GRIP1: variants seen among roughly 807,000 people sequenced by gnomAD.
The protein encoded by GRIP1 is glutamate receptor interacting protein 1, also known as glutamate receptor-interacting protein 1.
In GRIP1, 45 loss-of-function variants were observed where a neutral mutation model predicts 129.9. The ratio of observed to expected loss-of-function variants is 0.35; its 90% confidence interval spans 0.27 to 0.44. The LOEUF is 0.44. GRIP1 is among the 20% of genes least tolerant of loss of function. The pLI is 1.00. For missense variants in GRIP1, 1,196 were observed against 1,396.8 expected (o/e 0.86, Z 2.29); for synonymous variants, 530 against 520.8 (o/e 1.02, Z -0.24).
At chr12:66,506,656 T>C (rs12812084) in intron 7 of GRIP1, among the ~76,000 whole-genome samples, 69,650 of 151,960 alleles carry the variant, frequency 0.46, 16,225 homozygotes, top group African/African-American at 0.53. Flanking sequence ...AGTGCTTTTC[T>C]CTTTGCGTGT....
intron 1 of GRIP1, among the ~76,000 whole-genome samples, chr12:66,692,403 T>C (rs1487334425): frequency 6.6e-6 from 1 of 152,186 alleles, no homozygotes; most frequent in African/African-American, 2.4e-5. Flanking sequence ...TGCGTCTACA[T>C]GGCATCTTAC....
chr12:66,758,033 CAG>C (rs2037351805), intron 1 of GRIP1, among the ~76,000 whole-genome samples: 1 of 151,742 alleles, frequency 6.6e-6, no homozygotes, highest in Non-Finnish European at 1.5e-5. Flanking sequence ...AAAAATAAAA[CAG>C]AAAAAATTAC....
rs63275262 is a variant in GRIP1 at position 66,617,286 on chromosome 12, G to GA, written c.56-20360dup. Reference sequence around the variant, plus strand: ...CCTGTTTCCTCCACACAGCCAACAAGAAAAAAAAAAAAAAAAAAAAAGATG... The same window carrying GA: ...CCTGTTTCCTCCACACAGCCAACAAGAAAAAAAAAAAAAAAAAAAAAAGATG... On this transcript the variant is annotated intron_variant, in intron 1 of 24. Transcript: ENST00000359742. Among the ~76,000 whole-genome samples the GA allele has an allele frequency of 3.9e-3, 406 of 104,000 alleles. 6 individuals are homozygous for GA. In the East Asian group the frequency reaches 0.047, roughly 12 times the overall value. The allele number at this position is 104,000 out of a possible 152,430, so 68.2% of individuals were successfully genotyped here. A position where few individuals can be genotyped will look rare whatever the true frequency, so the allele number is the denominator to read the frequency against.
intron 1 of GRIP1, among the ~76,000 whole-genome samples, chr12:66,977,788 G>C (rs900214476): frequency 1.5e-5 from 2 of 131,300 alleles, no homozygotes; most frequent in East Asian, 4.7e-4. Context: ...TATTACTATA[G>C]TCAGTTCTAG....
At chr12:66,529,797 T>C (rs1419537198) in intron 5 of GRIP1, 34 bp downstream of exon 5, 1 of 1,133,798 alleles carries the variant, frequency 8.8e-7, no homozygotes, top group Non-Finnish European at 1.3e-6. Context: ...TGGAAATATT[T>C]TTTTTAAAGT....
intron 1 of GRIP1, among the ~76,000 whole-genome samples, chr12:67,013,240 T>C (rs1565638747): frequency 6.6e-6 from 1 of 152,160 alleles, no homozygotes; most frequent in Non-Finnish European, 1.5e-5. Context: ...CAATTTTTAT[T>C]TCAGAAGGGG....
intron 1 of GRIP1, among the ~76,000 whole-genome samples, chr12:66,881,811 G>T (rs947224723): frequency 2.0e-5 from 3 of 152,102 alleles, no homozygotes; most frequent in African/African-American, 7.2e-5. Flanking sequence ...AAAAGAAAAA[G>T]AACTCAGCTG....
At chr12:66,899,468 A>AT (rs1470780757) in intron 1 of GRIP1, among the ~76,000 whole-genome samples, 1 of 69,472 alleles carries the variant, frequency 1.4e-5, no homozygotes, top group Non-Finnish European at 2.5e-5. Context: ...AACTCAAGTG[A>AT]TCCCCCACCT....
chr12:66,960,131 G>C (rs1309854352), intron 1 of GRIP1, among the ~76,000 whole-genome samples: 3 of 152,156 alleles, frequency 2.0e-5, no homozygotes, highest in South Asian at 2.1e-4. Flanking sequence ...TCCTTAACCT[G>C]AAAACAGATG....
At chr12:66,782,382 A>T (rs1324344202) in intron 1 of GRIP1, among the ~76,000 whole-genome samples, 2 of 152,156 alleles carry the variant, frequency 1.3e-5, no homozygotes, top group Non-Finnish European at 2.9e-5. Context: ...TCTTCTTAAC[A>T]CCTTTCTCTG....
chr12:66,630,527 C>T (rs1050450487), intron 1 of GRIP1, among the ~76,000 whole-genome samples: 18 of 152,170 alleles, frequency 1.2e-4, no homozygotes, highest in Non-Finnish European at 1.8e-4. Flanking sequence ...TCGCATTTGC[C>T]AGGTGAGAAA....
At chr12:66,428,683 C>A (rs1401487597) in intron 14 of GRIP1, among the ~76,000 whole-genome samples, 1 of 152,154 alleles carries the variant, frequency 6.6e-6, no homozygotes, top group Non-Finnish European at 1.5e-5. Flanking sequence ...CTGAGTTGTT[C>A]TTTCCTCTTT....
chr12:66,909,109 T>C (rs1341268666), intron 1 of GRIP1, among the ~76,000 whole-genome samples: 1 of 152,238 alleles, frequency 6.6e-6, no homozygotes, highest in Non-Finnish European at 1.5e-5. Context: ...TAATTCACTG[T>C]TTTTAATCTT....
chr12:66,804,003 G>A, intron 1 of GRIP1: 1 of 414,102 alleles, frequency 2.4e-6, no homozygotes, highest in Non-Finnish European at 4.9e-6. Context: ...AAGGTTTATT[G>A]TTAGCCCCAG....
chr12:66,486,282 T>C (rs1170121341), intron 7 of GRIP1, among the ~76,000 whole-genome samples: 1 of 151,948 alleles, frequency 6.6e-6, no homozygotes, highest in East Asian at 1.9e-4. Context: ...TATATATATA[T>C]ATTTAAAAAT....
At chr12:66,704,261 G>A (rs1256812657) in intron 1 of GRIP1, among the ~76,000 whole-genome samples, 1 of 151,854 alleles carries the variant, frequency 6.6e-6, no homozygotes. Flanking sequence ...TTTTGATGAG[G>A]AAACATTTTC....
chr12:66,991,850 T>C (rs896541463), intron 1 of GRIP1, among the ~76,000 whole-genome samples: 3 of 152,146 alleles, frequency 2.0e-5, no homozygotes, highest in Non-Finnish European at 4.4e-5. Flanking sequence ...TCCTCTAGAG[T>C]GTATTCAGCC....
rs2054091232 is a variant in GRIP1, at chr12:66,348,781, C to G, written c.*238G>C. 7.5e-6 allele frequency: 4 copies of G among 536,774 alleles called. No homozygotes were observed. Among genetic ancestry groups the G allele is most frequent in the South Asian group, 2.4e-5 (1 of 41,394 alleles). The allele number at this position is 536,774 out of a possible 1,614,324, so 33.3% of individuals were successfully genotyped here. ...GTTGTGGGGGACGGCCTATTTTTCT[C>G]TACCGTTGGGACTGGCAGGGCATTG... On this transcript the variant is annotated 3_prime_UTR_variant, in exon 25 of 25. Coordinates refer to ENST00000359742, the MANE Select transcript of GRIP1 (RefSeq NM_001366722.1).
intron 1 of GRIP1, among the ~76,000 whole-genome samples, chr12:66,785,339 C>CATATATATATATATATATAT (rs1242812457): frequency 0.012 from 451 of 36,198 alleles, 4 homozygotes; most frequent in Non-Finnish European, 0.02. Context: ...TACATACATA[C>CATATATATATATATATATAT]ATACATATAT....
Sources: allele counts gnomAD v4.1 joint callset (sites outside exome capture counted in the v4.1 genomes callset), GRCh38; gene constraint gnomAD v4.1.1; transcripts MANE v1.5; gene names NCBI Gene and HGNC (gene_info 2026-07-23, HGNC 2026-07-21).